Variants in RHBG observed in about 807,000 individuals in gnomAD.
RHBG encodes Rh family B glycoprotein, also known as ammonium transporter Rh type B.
A neutral mutation model predicts 40.1 loss-of-function variants in RHBG; 39 were observed. The observed-to-expected ratio is 0.97, with a 90% CI of 0.75 to 1.27. The LOEUF (loss-of-function observed/expected upper bound fraction) is 1.27, where lower values mean the gene tolerates loss of function less well. Ranked by LOEUF, RHBG falls within the 50% of genes most tolerant of loss-of-function variation. RHBG has a pLI of 0.00. For synonymous variants in RHBG, 237 were observed against 252.5 expected, an observed-to-expected ratio of 0.94 and a Z score of 0.58; for missense variants, 549 against 588.1, an observed-to-expected ratio of 0.93 and a Z score of 0.69.
rs893874874 is a variant in RHBG, at chr1:156,378,406, C to G, written c.673+7C>G. The stretch of plus-strand genomic sequence containing the variant: ...GACCTCTTCGCCATGATTGGTGAGG[C>G]CTTCGAGGTGCGGTAGCAGGGCAGG... On this transcript the variant is annotated splice_region_variant and intron_variant, in intron 4 of 9. Transcript: ENST00000537040. The G allele has an allele frequency of 5.7e-6, 9 of 1,586,512 alleles. No homozygotes were observed. Among genetic ancestry groups the G allele is most frequent in the Non-Finnish European group, 6.0e-6 (7 of 1,164,230 alleles).
At chr1:156,376,965 GGA>G (rs1442843581) in intron 1 of RHBG, among the ~76,000 whole-genome samples, 2 of 152,236 alleles carry the variant, frequency 1.3e-5, no homozygotes, top group Admixed American at 6.5e-5. Context: ...TTTTGAGCAT[GGA>G]GAGAGTCAGC....
chr1:156,377,303 T>G lies in RHBG; in HGVS notation c.190T>G (p.Phe64Val). The G allele has an allele frequency of 6.2e-7, 1 of 1,613,692 alleles. No individual in the cohort carries two copies. Among genetic ancestry groups the G allele is most frequent in the African/African-American group, 1.3e-5 (1 of 75,050 alleles). ...DNEFYFRYPSFQDVHAMVFVG... is the reference protein window; with the variant it reads ...DNEFYFRYPSVQDVHAMVFVG... ...CCGCCTGTCCCTGCCCGCTGCAGGC[T>G]TCCAGGACGTGCATGCCATGGTCTT... The change falls in exon 2 of 10, where the codon TTC becomes GTC. Residue 64 changes from phenylalanine (F) to valine (V), a missense_variant and splice_region_variant. Physicochemically the swap from Phe to Val is conservative, Grantham distance 50. This residue lies in a region of RHBG where 99 missense variants were observed against 85.2 expected (regional missense o/e 1.16). Transcript: ENST00000537040. This position sits in a 1 kb window ranked among gnomAD's most constrained non-coding sequence, Gnocchi z 4.6.
chr1:156,375,883 G>A lies in RHBG; in HGVS notation c.188-1418G>A, dbSNP rs765566946. Among the ~76,000 whole-genome samples, 4 of 151,992 alleles carry A rather than the reference G, an allele frequency of 2.6e-5. No homozygotes were observed. The South Asian group carries it at 8.3e-4, about 32-fold the overall frequency. On this transcript the variant is annotated intron_variant, in intron 1 of 9. Coordinates refer to ENST00000537040, the MANE Select transcript of RHBG (RefSeq NM_020407.5). ...GCCTCCCGAGTAGCTGGGACTACAGGCACATGCCACCATGCCAAGCTGATT... is the reference window on the plus strand; with the variant it reads ...GCCTCCCGAGTAGCTGGGACTACAGACACATGCCACCATGCCAAGCTGATT...
chr1:156,376,094 T>C (rs1667177776), intron 1 of RHBG, among the ~76,000 whole-genome samples: 1 of 152,030 alleles, frequency 6.6e-6, no homozygotes, highest in African/African-American at 2.4e-5. Flanking sequence ...TGGTACAGAA[T>C]AGAAACCAAA....
At chr1:156,374,487 A>G (rs1031960256) in intron 1 of RHBG, 4 of 319,708 alleles carry the variant, frequency 1.3e-5, no homozygotes, top group African/African-American at 9.2e-5. Flanking sequence ...TAGCTTCCAC[A>G]TATGAGTGAG....
rs774424880 is a variant in RHBG, at chr1:156,381,419, G to A, written c.746G>A (p.Arg249Gln). 3.6e-5 allele frequency: 58 copies of A among 1,613,942 alleles called. No homozygotes were observed. Among genetic ancestry groups the A allele is most frequent in the Middle Eastern group, 3.3e-4 (2 of 6,084 alleles). Residue 249 changes from arginine to glutamine, a missense_variant, in exon 5 of 10, where the codon CGG becomes CAG. By Grantham distance (43) the Arg-to-Gln change is conservative (BLOSUM62 1). Transcript: ENST00000537040. ...ACAGCGCTGGGGGCTGGGCAGCATC[G>A]GACGGCCCTCAACACATACTACTCC... ...ALTALGAGQH[R>Q]TALNTYYSLA...
rs763341040 is a variant in RHBG at position 156,378,123 on chromosome 1, C to T, written c.508C>T (p.Leu170Phe). The T allele has an allele frequency of 1.2e-6, 2 of 1,611,066 alleles. No individual in the cohort carries two copies. Among genetic ancestry groups the T allele is most frequent in the East Asian group, 4.5e-5 (2 of 44,828 alleles). Residue 170 changes from leucine (L) to phenylalanine (F), a missense_variant, in exon 3 of 10, where the codon CTC (leucine) becomes TTC (phenylalanine). Physicochemically the swap from Leu to Phe is conservative, Grantham distance 22. Transcript: ENST00000537040. ...GCTGTTTGGCATCAATGAGTTTGTG[C>T]TCCTTCATCTCCTGGGGGTGAGAGT... The part of the protein sequence containing the change: ...VVLFGINEFV[L>F]LHLLGVRDAG...
intron 3 of RHBG, 32 bp from the exon 4 acceptor site, chr1:156,378,220 G>A (rs1445287939): frequency 3.1e-6 from 5 of 1,606,248 alleles, no homozygotes; most frequent in East Asian, 2.2e-5. Flanking sequence ...GGGGGTGGGG[G>A]CGGGGTGCTG....
In RHBG at chr1:156,377,299, A is replaced by G. The variant is rs1339418535; in HGVS notation, c.188-2A>G. The G allele has an allele frequency of 6.2e-7, 1 of 1,612,770 alleles. No homozygotes were observed. Among genetic ancestry groups the G allele is most frequent in the Non-Finnish European group, 8.5e-7 (1 of 1,179,004 alleles). The stretch of plus-strand genomic sequence containing the variant: ...TGCCCCGCCTGTCCCTGCCCGCTGC[A>G]GGCTTCCAGGACGTGCATGCCATGG... On this transcript the variant is annotated splice_acceptor_variant, in intron 1 of 9. Transcript: ENST00000537040. LOFTEE classifies it high-confidence loss of function. The surrounding 1 kb of genome is among the most constrained non-coding windows in gnomAD (Gnocchi z 4.6).
intron 1 of RHBG, among the ~76,000 whole-genome samples, chr1:156,375,030 C>G (rs998947181): frequency 3.0e-4 from 46 of 151,348 alleles, no homozygotes; most frequent in Non-Finnish European, 6.0e-4. Context: ...GAGTTGGGGA[C>G]ATTTAGTGTC....
intron 1 of RHBG, among the ~76,000 whole-genome samples, chr1:156,373,830 A>G (rs1667008709): frequency 1.3e-5 from 2 of 152,224 alleles, no homozygotes; most frequent in African/African-American, 4.8e-5. Context: ...TACTGTTTGC[A>G]CAAGGAGAAA....
intron 7 of RHBG, chr1:156,382,403 AC>A: frequency 1.5e-6 from 1 of 688,126 alleles, no homozygotes; most frequent in Non-Finnish European, 2.5e-6. Flanking sequence ...AGGTCATGGA[AC>A]AAATGACTTC....
Position 156,384,813 on chromosome 1 carries a change from C to G in RHBG, c.1345C>G (p.Leu449Val). 1 of 1,613,900 alleles carries G rather than the reference C, an allele frequency of 6.2e-7. No individual in the cohort carries two copies. The highest frequency in any genetic ancestry group is 8.5e-7 in the Non-Finnish European group (1 of 1,179,880). The change falls in exon 10 of 10, where the codon CTG (leucine) becomes GTG (valine). Residue 449 changes from leucine to valine, a missense_variant. Transcript: ENST00000537040. ...GEHEDKAQRP[L>V]RVEEADTQA ...GCATGAGGATAAAGCCCAGAGACCT[C>G]TGAGGGTGGAGGAGGCAGACACTCA...
At chr1:156,382,940 A>G in intron 8 of RHBG, 71 bp downstream of exon 8, 1 of 1,596,506 alleles carries the variant, frequency 6.3e-7, no homozygotes, top group South Asian at 1.1e-5. Flanking sequence ...TCATTCACTC[A>G]TAGATATTTA....
Position 156,377,153 on chromosome 1 carries a change from G to A in RHBG, c.188-148G>A, listed in dbSNP as rs1224460755. On this transcript the variant is annotated intron_variant, in intron 1 of 9. Transcript: ENST00000537040. The surrounding 1 kb of genome is among the most constrained non-coding windows in gnomAD (Gnocchi z 4.6). ...CTGCGCAGGTGGCTCAGGGCTGGGAGCCCCTGACATGCCTGGGGAGTTTTA... is the reference window on the plus strand; with the variant it reads ...CTGCGCAGGTGGCTCAGGGCTGGGAACCCCTGACATGCCTGGGGAGTTTTA... The A allele has an allele frequency of 1.1e-5, 9 of 854,808 alleles. No homozygotes were observed. Among genetic ancestry groups the A allele is most frequent in the Non-Finnish European group, 1.5e-5 (8 of 539,876 alleles). The allele number at this position is 854,808 out of a possible 1,614,324, so 53.0% of individuals were successfully genotyped here.
At chr1:156,379,183 A>G (rs1407415672) in intron 4 of RHBG, among the ~76,000 whole-genome samples, 3 of 151,732 alleles carry the variant, frequency 2.0e-5, no homozygotes, top group African/African-American at 7.3e-5. Context: ...TTTGGTAGAG[A>G]CAGGGTTTCA....
rs767588048 is a variant in RHBG at position 156,377,380 on chromosome 1, C to T, written c.267C>T (p.Ser89=). The change falls in exon 2 of 10, where the codon AGC becomes AGT. Residue 89 remains serine (S), a synonymous_variant. Coordinates refer to ENST00000537040, the MANE Select transcript of RHBG (RefSeq NM_020407.5). This position sits in a 1 kb window ranked among gnomAD's most constrained non-coding sequence, Gnocchi z 4.6. The part of the protein sequence containing the change: ...MVFLQRYGFS[S]VGFTFLLAAF... The stretch of plus-strand genomic sequence containing the variant: ...TCCTGCAGCGTTACGGCTTCAGCAG[C>T]GTGGGCTTCACCTTCCTCCTGGCCG... 21 of 1,614,108 alleles carry T rather than the reference C, an allele frequency of 1.3e-5. No individual in the cohort carries two copies. Among genetic ancestry groups the T allele is most frequent in the South Asian group, 9.9e-5 (9 of 91,094 alleles).
chr1:156,384,815 G>A lies in RHBG; in HGVS notation c.1347G>A (p.Leu449=). 6.2e-7 allele frequency: 1 copy of A among 1,613,772 alleles called. No homozygotes were observed. Among genetic ancestry groups the A allele is most frequent in the South Asian group, 1.1e-5 (1 of 90,978 alleles). ...GEHEDKAQRP[L]RVEEADTQA The stretch of plus-strand genomic sequence containing the variant: ...ATGAGGATAAAGCCCAGAGACCTCT[G>A]AGGGTGGAGGAGGCAGACACTCAGG... The change falls in exon 10 of 10, where the codon CTG becomes CTA. Residue 449 remains leucine (L), a synonymous_variant. Coordinates refer to ENST00000537040, the MANE Select transcript of RHBG (RefSeq NM_020407.5).
chr1:156,370,201 C>T (rs1466411520), intron 1 of RHBG, among the ~76,000 whole-genome samples: 2 of 152,102 alleles, frequency 1.3e-5, no homozygotes, highest in African/African-American at 2.4e-5. Flanking sequence ...GTAATCCCAG[C>T]ACTTTGGGAG....
Sources: allele counts gnomAD v4.1 joint callset (sites outside exome capture counted in the v4.1 genomes callset), GRCh38; gene constraint gnomAD v4.1.1; regional missense constraint gnomAD v4.1.1; non-coding constraint Gnocchi (gnomAD v3.1); transcripts MANE v1.5; gene names NCBI Gene and HGNC (gene_info 2026-07-23, HGNC 2026-07-21).